The following ZNRF3 variants were observed in gnomAD, a reference collection of about 807,000 sequenced individuals.
The protein encoded by ZNRF3 is zinc and ring finger 3, also known as E3 ubiquitin-protein ligase ZNRF3.
ZNRF3 carries 23 observed loss-of-function variants against 72.5 expected under a neutral mutation model. The observed-to-expected ratio is 0.32, with a 90% CI of 0.23 to 0.45. The LOEUF (loss-of-function observed/expected upper bound fraction) is 0.45. Among genes scored for constraint, ZNRF3 ranks in the 20% least tolerant of loss-of-function variants. The probability of loss-of-function intolerance (pLI) is 1.00; values close to 1 mark genes in which losing one functional copy is unlikely to be tolerated. For missense variants in ZNRF3, 1,169 were observed against 1,272.1 expected (o/e 0.92, Z 1.23); for synonymous variants, 610 against 545.3 (o/e 1.12, Z -1.65).
chr22:29,054,777 C>T lies in ZNRF3; in HGVS notation c.*1155C>T. The T allele has an allele frequency of 6.5e-6, 1 of 153,048 alleles. No homozygotes were observed. 9.5% of individuals were successfully genotyped at this position (153,048 alleles called of 1,614,324 possible). A position where few individuals can be genotyped will look rare whatever the true frequency, so the allele number is the denominator to read the frequency against. On this transcript the variant is annotated 3_prime_UTR_variant, in exon 9 of 9. Coordinates refer to ENST00000544604, the MANE Select transcript of ZNRF3 (RefSeq NM_001206998.2). Reference sequence around the variant, plus strand: ...CTTGGCTGCTGCTTCCTTGGGCTGCCTTTCTGGGGGCATGTGACTGGACCT... The same window carrying T: ...CTTGGCTGCTGCTTCCTTGGGCTGCTTTTCTGGGGGCATGTGACTGGACCT...
chr22:28,956,304 A>G (rs1386704711), intron 1 of ZNRF3, among the ~76,000 whole-genome samples: 1 of 149,482 alleles, frequency 6.7e-6, no homozygotes, highest in African/African-American at 2.5e-5. Flanking sequence ...TGAGGTGGGC[A>G]TGCTGGTGGC....
chr22:28,969,355 A>T (rs1043437592), intron 1 of ZNRF3, among the ~76,000 whole-genome samples: 1 of 152,146 alleles, frequency 6.6e-6, no homozygotes, highest in Admixed American at 6.5e-5. Flanking sequence ...CATAATTTAC[A>T]CCTTTCATTT....
At chr22:28,961,183 T>C (rs1171637108) in intron 1 of ZNRF3, among the ~76,000 whole-genome samples, 1 of 152,194 alleles carries the variant, frequency 6.6e-6, no homozygotes, top group Non-Finnish European at 1.5e-5. Context: ...CAAGACCTTT[T>C]ATAAGGGCAC....
Position 29,010,237 on chromosome 22 carries a change from A to G in ZNRF3, c.426+23036A>G, listed in dbSNP as rs886998240. Among the ~76,000 whole-genome samples, 7 of 152,118 alleles carry G rather than the reference A, an allele frequency of 4.6e-5. No individual in the cohort carries two copies. In the South Asian group the frequency reaches 6.2e-4, roughly 14 times the overall value. Reference sequence around the variant, plus strand: ...CTTCTTAAACTGAAACTCCATACCTATTAAACCCAGGCTCCTCACTTCTGC... The same window carrying G: ...CTTCTTAAACTGAAACTCCATACCTGTTAAACCCAGGCTCCTCACTTCTGC... On this transcript the variant is annotated intron_variant, in intron 2 of 8. Transcript: ENST00000544604.
intron 1 of ZNRF3, among the ~76,000 whole-genome samples, chr22:28,963,174 C>T (rs756204260): frequency 6.6e-6 from 1 of 152,158 alleles, no homozygotes; most frequent in Admixed American, 6.5e-5. Context: ...TTAAGGTCCT[C>T]AAGACCATGT....
intron 1 of ZNRF3, among the ~76,000 whole-genome samples, chr22:28,933,395 T>C (rs576612402): frequency 2.0e-5 from 3 of 152,346 alleles, no homozygotes; most frequent in South Asian, 4.1e-4. Flanking sequence ...TCAGTTTTCC[T>C]GATGAGCCAT....
At chr22:28,942,937 TA>T (rs1469032698) in intron 1 of ZNRF3, among the ~76,000 whole-genome samples, 1 of 152,188 alleles carries the variant, frequency 6.6e-6, no homozygotes, top group South Asian at 2.1e-4. Flanking sequence ...AAGATGTCCT[TA>T]AAGCTGGTAC....
At chr22:28,893,494 C>G (rs1175221646) in intron 1 of ZNRF3, among the ~76,000 whole-genome samples, 1 of 149,586 alleles carries the variant, frequency 6.7e-6, no homozygotes, top group African/African-American at 2.4e-5. Flanking sequence ...TTCTTTCTTT[C>G]TTTTTCTTTT....
In ZNRF3 at chr22:29,049,791, C is replaced by G; in HGVS notation, c.1610C>G (p.Ser537Trp). ...SSFSCYHGHR[S>W]VCSGYLADCP... The stretch of plus-strand genomic sequence containing the variant: ...TTCAGCTGCTATCACGGCCACCGCT[C>G]GGTGTGCAGTGGCTACCTGGCCGAC... Residue 537 changes from serine to tryptophan, a missense_variant, in exon 8 of 9, where the codon TCG (serine) becomes TGG (tryptophan). Physicochemically the swap from Ser to Trp is radical, Grantham distance 177. Around this residue, in one of 2 missense-constraint regions of ZNRF3, gnomAD observed 783 missense variants for 731.4 expected, o/e 1.07. Coordinates refer to ENST00000544604, the MANE Select transcript of ZNRF3 (RefSeq NM_001206998.2). This position sits in a 1 kb window ranked among gnomAD's most constrained non-coding sequence, Gnocchi z 5.2. 6.2e-7 allele frequency: 1 copy of G among 1,605,570 alleles called. No individual in the cohort carries two copies. Among genetic ancestry groups the G allele is most frequent in the South Asian group, 1.1e-5 (1 of 90,184 alleles).
At chr22:29,021,478 C>G (rs1209442703) in intron 2 of ZNRF3, among the ~76,000 whole-genome samples, 2 of 142,280 alleles carry the variant, frequency 1.4e-5, no homozygotes. Flanking sequence ...TCCCCTCACT[C>G]CTTGTTTTAA....
chr22:29,052,375 C>G lies in ZNRF3; in HGVS notation c.2768-1204C>G, dbSNP rs79972800. On this transcript the variant is annotated intron_variant, in intron 8 of 8. Coordinates refer to ENST00000544604, the MANE Select transcript of ZNRF3 (RefSeq NM_001206998.2). ...GATGTCTTTGTGCTAGAAAACCCTT[C>G]AATGACTTGCCATTACCTTTAAAAT... is the stretch of plus-strand genomic sequence containing the variant. Among the ~76,000 whole-genome samples, 986 of 152,306 alleles carry G rather than the reference C, an allele frequency of 6.5e-3. 7 individuals are homozygous for G. Among genetic ancestry groups the G allele is most frequent in the Non-Finnish European group, 0.011 (777 of 68,040 alleles).
intron 2 of ZNRF3, among the ~76,000 whole-genome samples, chr22:29,019,257 T>C (rs1353546511): frequency 2.6e-5 from 4 of 152,028 alleles, no homozygotes; most frequent in Non-Finnish European, 5.9e-5. Context: ...GGTGGAAAAA[T>C]AAGCTCAATT....
At chr22:29,010,324 G>C (rs957714259) in intron 2 of ZNRF3, among the ~76,000 whole-genome samples, 3 of 152,136 alleles carry the variant, frequency 2.0e-5, no homozygotes, top group South Asian at 2.1e-4. Context: ...GACCACTCCA[G>C]GTCTTTTGTG....
chr22:28,930,886 G>A (rs889701035), intron 1 of ZNRF3, among the ~76,000 whole-genome samples: 6 of 152,168 alleles, frequency 3.9e-5, no homozygotes, highest in African/African-American at 1.4e-4. Context: ...TGCTGAAGGT[G>A]GAGGCACATC....
At chr22:28,913,667 A>C (rs187465798) in intron 1 of ZNRF3, among the ~76,000 whole-genome samples, 1 of 152,326 alleles carries the variant, frequency 6.6e-6, no homozygotes, top group East Asian at 1.9e-4. Context: ...GTTGTAGTAT[A>C]AAAGAACCAA....
intron 2 of ZNRF3, among the ~76,000 whole-genome samples, chr22:29,040,041 T>TCC (rs1473283928): frequency 6.6e-6 from 1 of 152,074 alleles, no homozygotes; most frequent in Non-Finnish European, 1.5e-5. Context: ...ATCAGCATCC[T>TCC]CTCTTCCTGG....
chr22:29,013,229 T>C (rs1000712452), intron 2 of ZNRF3, among the ~76,000 whole-genome samples: 1 of 152,156 alleles, frequency 6.6e-6, no homozygotes, highest in Admixed American at 6.5e-5. Flanking sequence ...CTTTTTCAGC[T>C]CTCTGCTTGT....
At chr22:28,890,406 A>G (rs1210249225) in intron 1 of ZNRF3, among the ~76,000 whole-genome samples, 1 of 152,210 alleles carries the variant, frequency 6.6e-6, no homozygotes, top group Admixed American at 6.5e-5. Flanking sequence ...AGACTGAGGC[A>G]GGAGAATGGC....
chr22:28,967,504 A>G (rs2123809961), intron 1 of ZNRF3, among the ~76,000 whole-genome samples: 1 of 152,348 alleles, frequency 6.6e-6, no homozygotes, highest in East Asian at 1.9e-4. Flanking sequence ...GACAGAAAAG[A>G]AAAGACTACC....
Sources: gnomAD v4.1 joint callset for allele counts (sites outside exome capture counted in the v4.1 genomes callset) on GRCh38, gnomAD v4.1.1 for gene constraint, gnomAD v4.1.1 regional missense constraint, Gnocchi (gnomAD v3.1) non-coding constraint, MANE v1.5 for transcripts, NCBI Gene and HGNC (gene_info 2026-07-23, HGNC 2026-07-21) for gene names.